Variants in ZNF23 observed in about 807,000 individuals in gnomAD.
ZNF23 encodes the protein kruppel-like zinc finger factor X31.
In ZNF23, 48 loss-of-function variants were observed where a neutral mutation model predicts 56.2. That is an observed-to-expected ratio of 0.85 (90% CI 0.68 to 1.09). ZNF23 has a LOEUF of 1.09. ZNF23 is among the 50% of genes least tolerant of loss of function. The pLI is 0.00. For missense variants in ZNF23, 805 were observed against 811.4 expected, an observed-to-expected ratio of 0.99 and a Z score of 0.10; for synonymous variants, 266 against 283.3, an observed-to-expected ratio of 0.94 and a Z score of 0.61.
In ZNF23 at chr16:71,448,038, G is replaced by A. The variant is rs2042906632; in HGVS notation, c.*55C>T. ...AGGTTTTTCAATGGATGAATCTGATGATACTTGATCCATTTTGGCATTAAC... is the reference window on the plus strand; with the variant it reads ...AGGTTTTTCAATGGATGAATCTGATAATACTTGATCCATTTTGGCATTAAC... On this transcript the variant is annotated 3_prime_UTR_variant, in exon 5 of 5. Transcript: ENST00000647773. The A allele has an allele frequency of 3.6e-6, 5 of 1,406,312 alleles. No homozygotes were observed. The highest frequency in any genetic ancestry group is 2.9e-5 in the South Asian group (2 of 69,864). The allele number at this position is 1,406,312 out of a possible 1,614,324, so 87.1% of individuals were successfully genotyped here. A position where few individuals can be genotyped will look rare whatever the true frequency, so the allele number is the denominator to read the frequency against.
rs2043134080 is a variant in ZNF23 at position 71,453,805 on chromosome 16, CAT to C, written c.160+235_160+236del. 39 of 583,470 alleles carry C rather than the reference CAT, an allele frequency of 6.7e-5. No homozygotes were observed. The South Asian group carries it at 7.8e-4, about 12-fold the overall frequency. The allele number at this position is 583,470 out of a possible 1,614,324, so 36.1% of individuals were successfully genotyped here. ...CAACTGGATTCCAGTGTTTCCAAAACATAGCTTTCATGGGTTGGATCAACAGT... is the reference window on the plus strand; with the variant it reads ...CAACTGGATTCCAGTGTTTCCAAAACAGCTTTCATGGGTTGGATCAACAGT... On this transcript the variant is annotated intron_variant, in intron 3 of 4. Coordinates refer to ENST00000647773, the MANE Select transcript of ZNF23 (RefSeq NM_001381984.1).
At chr16:71,458,173 C>T (rs1032494336) in intron 1 of ZNF23, among the ~76,000 whole-genome samples, 32 of 152,206 alleles carry the variant, frequency 2.1e-4, no homozygotes, top group African/African-American at 7.0e-4. Context: ...TACACTTCTG[C>T]GTCAGCTCCT....
At chr16:71,457,578 A>T (rs1478218360) in intron 1 of ZNF23, among the ~76,000 whole-genome samples, 1 of 151,266 alleles carries the variant, frequency 6.6e-6, no homozygotes, top group Admixed American at 6.6e-5. Context: ...AAAAAAAATT[A>T]GCCAGAGGTG....
chr16:71,459,325 A>G lies in ZNF23; in HGVS notation c.-32-2497T>C, dbSNP rs2043354962. The stretch of plus-strand genomic sequence containing the variant: ...GATCCCCCAGCGGGGCAGCCTTAAG[A>G]CTCCAAGGCTCCTCAAACGCCCTGC... On this transcript the variant is annotated intron_variant, in intron 1 of 4. Transcript: ENST00000647773. 2.0e-5 allele frequency among the ~76,000 whole-genome samples: 3 copies of G among 152,042 alleles called. No individual in the cohort carries two copies. In the South Asian group the frequency reaches 6.2e-4, roughly 32 times the overall value.
rs1213542808 is a variant in ZNF23 at position 71,448,237 on chromosome 16, G to A, written c.1917C>T (p.Gly639=). The change falls in exon 5 of 5, where the codon GGC becomes GGT. Residue 639 remains glycine, a synonymous_variant. Transcript: ENST00000647773. ...TAATGTAGTCAGAACTAAAGCTGAA[G>A]CCTTTGCCACATTCCACACATCTGA... The part of the protein sequence containing the change: ...KPFRCVECGK[G]FSFSSDYIIH... 1 of 1,614,122 alleles carries A rather than the reference G, an allele frequency of 6.2e-7. No individual in the cohort carries two copies. The highest frequency in any genetic ancestry group is 2.2e-5 in the East Asian group (1 of 44,904).
At chr16:71,456,671 G>A (rs2043244766) in intron 2 of ZNF23, 93 bp downstream of exon 2, 5 of 983,114 alleles carry the variant, frequency 5.1e-6, no homozygotes, top group Non-Finnish European at 6.0e-6. Context: ...GCAGGTGGAA[G>A]CAGCTGTCAT....
At chr16:71,455,710 T>C (rs1292794942) in intron 2 of ZNF23, among the ~76,000 whole-genome samples, 1 of 152,182 alleles carries the variant, frequency 6.6e-6, no homozygotes, top group Middle Eastern at 3.2e-3. Flanking sequence ...TAATGATGGC[T>C]TTCCTTGATG....
At chr16:71,454,228 G>T in intron 2 of ZNF23, 60 bp from the exon 3 acceptor site, 1 of 1,573,042 alleles carries the variant, frequency 6.4e-7, no homozygotes. Context: ...CCTAAGTGAG[G>T]GGCAGAGCGC....
Position 71,449,695 on chromosome 16 carries a change from C to T in ZNF23, c.459G>A (p.Val153=). 1 of 1,613,866 alleles carries T rather than the reference C, an allele frequency of 6.2e-7. No individual in the cohort carries two copies. The highest frequency in any genetic ancestry group is 1.1e-5 in the South Asian group (1 of 91,070). Residue 153 remains valine (V), a synonymous_variant, in exon 5 of 5, where the codon GTG becomes GTA. Coordinates refer to ENST00000647773, the MANE Select transcript of ZNF23 (RefSeq NM_001381984.1). ...CCTCCACGGGGCTTGTCTCATCTTT[C>T]ACTGTTCCATCAATGGTGTTGCTCT... ...KEKSNTIDGT[V]KDETSPVEEC...
Position 71,449,337 on chromosome 16 carries a change from C to T in ZNF23, c.817G>A (p.Gly273Arg), listed in dbSNP as rs2042966511. 1.2e-6 allele frequency: 2 copies of T among 1,614,070 alleles called. No homozygotes were observed. The highest frequency in any genetic ancestry group is 1.7e-6 in the Non-Finnish European group (2 of 1,180,036). Reference protein sequence around the residue: ...GEKPFKCVECGKSFSYSSHYI... With the variant: ...GEKPFKCVECRKSFSYSSHYI... ...TGGGAACTGTAGCTGAAGCTTTTCC[C>T]ACACTCCACACATTTGAAGGGTTTC... Residue 273 changes from glycine (G) to arginine (R), a missense_variant, in exon 5 of 5, where the codon GGG becomes AGG. Gly to Arg is a moderately radical substitution (Grantham distance 125). Transcript: ENST00000647773.
intron 2 of ZNF23, 118 bp from the exon 3 acceptor site, chr16:71,454,286 TAAC>T: frequency 7.5e-7 from 1 of 1,330,214 alleles, no homozygotes; most frequent in Non-Finnish European, 9.9e-7. Context: ...AAATTAGTAT[TAAC>T]AACAAGGGGA....
chr16:71,450,504 A>C, intron 4 of ZNF23: 1 of 280,018 alleles, frequency 3.6e-6, no homozygotes, highest in Non-Finnish European at 7.1e-6. Context: ...AGATTGCCTG[A>C]GCTTGGGAGT....
Position 71,449,346 on chromosome 16 carries a change from C to T in ZNF23, c.808G>A (p.Val270Met), listed in dbSNP as rs1380311418. ...LHSGEKPFKC[V>M]ECGKSFSYSS... ...TAGCTGAAGCTTTTCCCACACTCCA[C>T]ACATTTGAAGGGTTTCTCCCCACTG... The change falls in exon 5 of 5, where the codon GTG becomes ATG. Residue 270 changes from valine to methionine, a missense_variant. By Grantham distance (21) the Val-to-Met change is conservative. Transcript: ENST00000647773. 6.2e-7 allele frequency: 1 copy of T among 1,613,986 alleles called. No individual in the cohort carries two copies. Among genetic ancestry groups the T allele is most frequent in the South Asian group, 1.1e-5 (1 of 91,082 alleles).
In ZNF23 at chr16:71,453,324, T is replaced by C. The variant is rs748779347; in HGVS notation, c.187A>G (p.Ile63Val). Residue 63 changes from isoleucine (I) to valine (V), a missense_variant, in exon 4 of 5, where the codon ATC becomes GTC. By Grantham distance (29) the Ile-to-Val change is conservative. Coordinates refer to ENST00000647773, the MANE Select transcript of ZNF23 (RefSeq NM_001381984.1). ...TCACTTCCTCCCTCCAGTTGTGAGA[T>C]CACAGCAGGTTTGAGAAGTGGAAAT... is the stretch of plus-strand genomic sequence containing the variant. Reference protein sequence around the residue: ...LGFPLLKPAVISQLEGGSELG... With the variant: ...LGFPLLKPAVVSQLEGGSELG... 5.6e-6 allele frequency: 9 copies of C among 1,603,020 alleles called. No homozygotes were observed. Among genetic ancestry groups the C allele is most frequent in the Non-Finnish European group, 6.0e-6 (7 of 1,174,298 alleles).
chr16:71,457,650 G>A (rs896343693), intron 1 of ZNF23, among the ~76,000 whole-genome samples: 21 of 152,000 alleles, frequency 1.4e-4, no homozygotes, highest in African/African-American at 4.8e-4. Flanking sequence ...ACTTGAGCCC[G>A]GGAGGTCAAG....
intron 1 of ZNF23, among the ~76,000 whole-genome samples, chr16:71,459,362 T>C (rs2145135154): frequency 6.6e-6 from 1 of 152,368 alleles, no homozygotes; most frequent in African/African-American, 2.4e-5. Context: ...AGGCAGAGCC[T>C]GTTGAGGGCC....
At chr16:71,462,174 G>C (rs1039341861) in intron 1 of ZNF23, 36 bp downstream of exon 1, 3 of 152,376 alleles carry the variant, frequency 2.0e-5, no homozygotes, top group African/African-American at 7.2e-5. Flanking sequence ...CTGGGGGACA[G>C]GGCACGGCAC....
intron 1 of ZNF23, among the ~76,000 whole-genome samples, chr16:71,459,008 T>C (rs1014765047): frequency 6.6e-6 from 1 of 152,280 alleles, no homozygotes; most frequent in African/African-American, 2.4e-5. Context: ...ATTCTGCTCT[T>C]AGTTTGTTCC....
In ZNF23 at chr16:71,448,087, T is replaced by G; in HGVS notation, c.*6A>C. ...ACCTTAAGAGTTTTCTATATCTTTC[T>G]CATTATTAGGATTTTCCTTCACTAT... is the stretch of plus-strand genomic sequence containing the variant. On this transcript the variant is annotated 3_prime_UTR_variant, in exon 5 of 5. Transcript: ENST00000647773. 1 of 1,569,730 alleles carries G rather than the reference T, an allele frequency of 6.4e-7. No individual in the cohort carries two copies. Among genetic ancestry groups the G allele is most frequent in the Non-Finnish European group, 8.6e-7 (1 of 1,160,560 alleles).
Sources: gnomAD v4.1 joint callset for allele counts (sites outside exome capture counted in the v4.1 genomes callset) on GRCh38, gnomAD v4.1.1 for gene constraint, MANE v1.5 for transcripts, NCBI Gene and HGNC (gene_info 2026-07-23, HGNC 2026-07-21) for gene names.